Variants in ERBB4 observed in about 807,000 individuals in gnomAD.
The protein encoded by ERBB4 is erb-b2 receptor tyrosine kinase 4, also known as receptor tyrosine-protein kinase erbB-4.
Under a neutral mutation model 158.0 loss-of-function variants are expected in ERBB4, and 42 were observed. That is an observed-to-expected ratio of 0.27 (90% CI 0.21 to 0.34). The LOEUF is 0.34. ERBB4 is among the 10% of genes least tolerant of loss of function. ERBB4 has a pLI of 1.00. For synonymous variants in ERBB4, 583 were observed against 558.7 expected, an observed-to-expected ratio of 1.04 and a Z score of -0.61; for missense variants, 1,333 against 1,624.1, an observed-to-expected ratio of 0.82 and a Z score of 3.08.
intron 19 of ERBB4, among the ~76,000 whole-genome samples, chr2:211,562,497 G>A (rs1050361688): frequency 6.6e-6 from 1 of 152,130 alleles, no homozygotes; most frequent in Non-Finnish European, 1.5e-5. Flanking sequence ...GGTAGAGTAA[G>A]GTGAGCTGAA....
At chr2:212,096,795 T>C (rs115593873) in intron 2 of ERBB4, among the ~76,000 whole-genome samples, 1 of 152,094 alleles carries the variant, frequency 6.6e-6, no homozygotes, top group Non-Finnish European at 1.5e-5. Context: ...CCTAGGTAAA[T>C]TGGGTGCCAG....
At chr2:211,905,736 A>ATG (rs201095879) in intron 3 of ERBB4, among the ~76,000 whole-genome samples, 16,263 of 90,106 alleles carry the variant, frequency 0.18, 1,382 homozygotes, top group South Asian at 0.32. Context: ...ATGTGTGTGC[A>ATG]TGTGTGTGTA....
intron 2 of ERBB4, among the ~76,000 whole-genome samples, chr2:211,956,164 T>C (rs1366564362): frequency 2.6e-5 from 4 of 152,042 alleles, no homozygotes; most frequent in Non-Finnish European, 5.9e-5. Flanking sequence ...AATATAATAC[T>C]GAGTTCAATT....
intron 1 of ERBB4, among the ~76,000 whole-genome samples, chr2:212,218,507 G>A (rs1171173376): frequency 6.6e-6 from 1 of 151,256 alleles, no homozygotes; most frequent in Non-Finnish European, 1.5e-5. Flanking sequence ...GCAAAGCCAG[G>A]CCATGTTCTC....
At position 212,017,484 on chromosome 2, in the gene ERBB4, A is replaced by C. The variant is rs2076554752; in HGVS notation, c.235-69868T>G. Among the ~76,000 whole-genome samples, 3 of 152,160 alleles carry C rather than the reference A, an allele frequency of 2.0e-5. No individual in the cohort carries two copies. The South Asian group carries it at 6.2e-4, about 32-fold the overall frequency. ...ATGTAATAAAACTTATTTTCAATTA[A>C]AAATATGCATCTTATTCAGAGACAC... On this transcript the variant is annotated intron_variant, in intron 2 of 27. Transcript: ENST00000342788.
intron 2 of ERBB4, among the ~76,000 whole-genome samples, chr2:212,007,570 T>A (rs943969892): frequency 6.6e-6 from 1 of 151,898 alleles, no homozygotes; most frequent in Non-Finnish European, 1.5e-5. Context: ...CATCCTATAA[T>A]CCTTTGCATT....
At chr2:211,581,513 T>C (rs2068103913) in intron 19 of ERBB4, among the ~76,000 whole-genome samples, 1 of 152,110 alleles carries the variant, frequency 6.6e-6, no homozygotes, top group Admixed American at 6.5e-5. Flanking sequence ...AAAACTATGA[T>C]CTACAAGTCA....
chr2:212,163,860 A>G (rs577034482), intron 1 of ERBB4, among the ~76,000 whole-genome samples: 34 of 152,126 alleles, frequency 2.2e-4, no homozygotes, highest in African/African-American at 7.9e-4. Context: ...TGATGCAATC[A>G]CAGCTCACTG....
chr2:212,373,843 G>GTATATATCCATGTATATATCCATATA (rs1560145875), intron 1 of ERBB4, among the ~76,000 whole-genome samples: 14 of 63,192 alleles, frequency 2.2e-4, no homozygotes, highest in East Asian at 8.6e-4. Context: ...ATATATCCAT[G>GTATATATCCATGTATATATCCATATA]TATATATCCA....
At chr2:212,408,565 C>T (rs532756667) in intron 1 of ERBB4, among the ~76,000 whole-genome samples, 3 of 152,022 alleles carry the variant, frequency 2.0e-5, no homozygotes, top group Non-Finnish European at 2.9e-5. Context: ...ATCCCTTGAG[C>T]CCAGGAGTTC....
At chr2:211,773,617 T>TA (rs1267945500) in intron 4 of ERBB4, among the ~76,000 whole-genome samples, 2 of 53,258 alleles carry the variant, frequency 3.8e-5, no homozygotes, top group African/African-American at 2.2e-4. Context: ...TATATATATA[T>TA]ATATATATAT....
chr2:212,238,999 C>G (rs1210866663), intron 1 of ERBB4, among the ~76,000 whole-genome samples: 1 of 151,468 alleles, frequency 6.6e-6, no homozygotes, highest in Non-Finnish European at 1.5e-5. Context: ...AGTTCAAACA[C>G]TTATTAATTA....
At position 211,921,462 on chromosome 2, in the gene ERBB4, C is replaced by G. The variant is rs980818735; in HGVS notation, c.421+25968G>C. Reference sequence around the variant, plus strand: ...ACAAAGCCAAAGATTACTCAACTGACGTGTAAGTCTAAAACTCGAGTTAGA... The same window carrying G: ...ACAAAGCCAAAGATTACTCAACTGAGGTGTAAGTCTAAAACTCGAGTTAGA... On this transcript the variant is annotated intron_variant, in intron 3 of 27. Transcript: ENST00000342788. Among the ~76,000 whole-genome samples, 5 of 152,004 alleles carry G rather than the reference C, an allele frequency of 3.3e-5. No homozygotes were observed. In the East Asian group the frequency reaches 9.6e-4, roughly 29 times the overall value.
At chr2:212,181,864 AG>A (rs35422434) in intron 1 of ERBB4, among the ~76,000 whole-genome samples, 1 of 151,682 alleles carries the variant, frequency 6.6e-6, no homozygotes, top group Non-Finnish European at 1.5e-5. Context: ...CTACCCACAA[AG>A]GGGCAGTTAC....
chr2:212,438,800 T>C (rs1281553574), intron 1 of ERBB4, among the ~76,000 whole-genome samples: 1 of 152,058 alleles, frequency 6.6e-6, no homozygotes, highest in African/African-American at 2.4e-5. Flanking sequence ...ATATTGTCAT[T>C]AAACCAGAAG....
intron 20 of ERBB4, among the ~76,000 whole-genome samples, chr2:211,441,810 T>G (rs1157968600): frequency 6.6e-6 from 1 of 152,166 alleles, no homozygotes; most frequent in African/African-American, 2.4e-5. Flanking sequence ...TGTCCTCAGC[T>G]GTATCACTAG....
At chr2:211,973,563 T>G (rs2371434) in intron 2 of ERBB4, among the ~76,000 whole-genome samples, 1 of 151,986 alleles carries the variant, frequency 6.6e-6, no homozygotes, top group African/African-American at 2.4e-5. Context: ...TGGCTATTAT[T>G]AAAAAGTCAA....
intron 20 of ERBB4, among the ~76,000 whole-genome samples, chr2:211,441,709 C>A (rs1267250163): frequency 6.6e-6 from 1 of 152,144 alleles, no homozygotes; most frequent in African/African-American, 2.4e-5. Context: ...CAATTATGCC[C>A]TTCCATCCTC....
rs147954263 is a variant in ERBB4, at chr2:211,427,262, T to TTAAG, written c.2719+1142_2719+1145dup. ...AAAAAGGTAAAACTTTTTTTTAAGC[T>TTAAG]TAAGTTTGAGTAACATAAATTGTAC... is the stretch of plus-strand genomic sequence containing the variant. On this transcript the variant is annotated intron_variant, in intron 22 of 27. Transcript: ENST00000342788. 3.7e-3 allele frequency among the ~76,000 whole-genome samples: 565 copies of TTAAG among 152,244 alleles called. 4 individuals carry two copies. Among genetic ancestry groups the TTAAG allele is most frequent in the African/African-American group, 0.013 (547 of 41,568 alleles).
Sources: allele counts gnomAD v4.1 joint callset (sites outside exome capture counted in the v4.1 genomes callset), GRCh38; gene constraint gnomAD v4.1.1; transcripts MANE v1.5; gene names NCBI Gene and HGNC (gene_info 2026-07-23, HGNC 2026-07-21).